The following ANGPTL2 variants were observed in gnomAD, a reference collection of about 807,000 sequenced individuals.
ANGPTL2 encodes the protein angiopoietin like 2, also known as angiopoietin-related protein 2.
ANGPTL2 carries 25 observed loss-of-function variants against 52.8 expected under a neutral mutation model. The observed-to-expected ratio is 0.47, with a 90% CI of 0.35 to 0.66. The LOEUF (loss-of-function observed/expected upper bound fraction) is 0.66, where lower values mean the gene tolerates loss of function less well. Among genes scored for constraint, ANGPTL2 ranks in the 30% least tolerant of loss-of-function variants. The probability of loss-of-function intolerance (pLI) is 0.01; values close to 1 mark genes in which losing one functional copy is unlikely to be tolerated. For missense variants in ANGPTL2, 546 were observed against 656.9 expected (o/e 0.83, Z 1.84); for synonymous variants, 276 against 277.4 (o/e 1.00, Z 0.05).
rs2054411199 is a variant in ANGPTL2 at position 127,108,123 on chromosome 9, G to A, written c.609C>T (p.His203=). The change falls in exon 2 of 5, where the codon CAC becomes CAT. Residue 203 remains histidine, a synonymous_variant. Transcript: ENST00000373425. ...QSEIIAQLEE[H]CQRVPSARPV... is the part of the protein sequence containing the mutation. ...GCCTGGCCGAGGGCACCCTCTGGCAGTGCTCCTCAAGCTGCGCGATGATCT... is the reference window on the plus strand; with the variant it reads ...GCCTGGCCGAGGGCACCCTCTGGCAATGCTCCTCAAGCTGCGCGATGATCT... 1 of 1,613,794 alleles carries A rather than the reference G, an allele frequency of 6.2e-7. No individual in the cohort carries two copies. Among genetic ancestry groups the A allele is most frequent in the South Asian group, 1.1e-5 (1 of 91,062 alleles).
intron 1 of ANGPTL2, among the ~76,000 whole-genome samples, chr9:127,114,988 C>T (rs1288269881): frequency 6.6e-6 from 1 of 152,092 alleles, no homozygotes; most frequent in Non-Finnish European, 1.5e-5. Context: ...GTTGGTAATC[C>T]AAGATGTGGG....
chr9:127,117,933 G>A (rs1175165330), intron 1 of ANGPTL2, among the ~76,000 whole-genome samples: 1 of 152,220 alleles, frequency 6.6e-6, no homozygotes, highest in East Asian at 1.9e-4. Flanking sequence ...TGCCTGTCTG[G>A]ACAACTAGGC....
At chr9:127,096,174 A>AG (rs2053112602) in intron 2 of ANGPTL2, among the ~76,000 whole-genome samples, 1 of 152,116 alleles carries the variant, frequency 6.6e-6, no homozygotes, top group African/African-American at 2.4e-5. Context: ...TATCCTTCCC[A>AG]GGGAAGGGGA....
chr9:127,117,477 G>A (rs956959200), intron 1 of ANGPTL2, among the ~76,000 whole-genome samples: 1 of 152,254 alleles, frequency 6.6e-6, no homozygotes, highest in African/African-American at 2.4e-5. Flanking sequence ...CAGGAACAAG[G>A]TGGGTGAGGT....
At chr9:127,093,575 A>T (rs188609944) in intron 3 of ANGPTL2, among the ~76,000 whole-genome samples, 158 bp downstream of exon 3, 1 of 152,250 alleles carries the variant, frequency 6.6e-6, no homozygotes, top group Non-Finnish European at 1.5e-5. Context: ...CCCTGTCTGC[A>T]TCCTTCTCGC....
At chr9:127,103,689 A>G (rs2053949511) in intron 2 of ANGPTL2, among the ~76,000 whole-genome samples, 1 of 152,218 alleles carries the variant, frequency 6.6e-6, no homozygotes, top group African/African-American at 2.4e-5. Context: ...GTTTTGTGTC[A>G]TTGGAACCAT....
At chr9:127,112,081 C>A (rs549038841) in intron 1 of ANGPTL2, among the ~76,000 whole-genome samples, 1 of 152,290 alleles carries the variant, frequency 6.6e-6, no homozygotes, top group African/African-American at 2.4e-5. Flanking sequence ...ACCCTGTGCT[C>A]CCTGGGGCCT....
chr9:127,107,867 G>A (rs780400275), intron 2 of ANGPTL2, 48 bp downstream of exon 2: 15 of 1,499,388 alleles, frequency 1.0e-5, no homozygotes, highest in African/African-American at 2.8e-5. Flanking sequence ...GGGAAGCCTG[G>A]TGCCTGGCTC....
chr9:127,088,181 T>A lies in ANGPTL2; in HGVS notation c.*758A>T, dbSNP rs2051999420. ...CACACAGAAGGCACTTAATGAATGGTGTCAAATGAAGGGATAAGTGGGTGA... is the reference window on the plus strand; with the variant it reads ...CACACAGAAGGCACTTAATGAATGGAGTCAAATGAAGGGATAAGTGGGTGA... On this transcript the variant is annotated 3_prime_UTR_variant, in exon 5 of 5. Coordinates refer to ENST00000373425, the MANE Select transcript of ANGPTL2 (RefSeq NM_012098.3). 1 of 152,190 alleles carries A rather than the reference T, an allele frequency of 6.6e-6. No homozygotes were observed. The highest frequency in any genetic ancestry group is 2.4e-5 in the African/African-American group (1 of 41,410). 9.4% of individuals were successfully genotyped at this position (152,190 alleles called of 1,614,324 possible). A position where few individuals can be genotyped will look rare whatever the true frequency, so the allele number is the denominator to read the frequency against.
At chr9:127,101,034 G>A (rs1391482413) in intron 2 of ANGPTL2, among the ~76,000 whole-genome samples, 1 of 152,106 alleles carries the variant, frequency 6.6e-6, no homozygotes, top group Non-Finnish European at 1.5e-5. Flanking sequence ...GACTATCACT[G>A]GTGGTGGTTC....
intron 4 of ANGPTL2, among the ~76,000 whole-genome samples, chr9:127,089,510 TTGTGTTC>T (rs1033867649): frequency 4.6e-5 from 7 of 152,124 alleles, no homozygotes; most frequent in Non-Finnish European, 1.0e-4. Flanking sequence ...ACTCCACACC[TTGTGTTC>T]TGATAGGAAA....
Position 127,091,103 on chromosome 9 carries a change from A to G in ANGPTL2, c.1282+567T>C, listed in dbSNP as rs1170843306. 1.3e-5 allele frequency among the ~76,000 whole-genome samples: 2 copies of G among 152,246 alleles called. No individual in the cohort carries two copies. The highest frequency in any genetic ancestry group is 1.3e-4 in the Admixed American group (2 of 15,292). Reference sequence around the variant, plus strand: ...GTGACCATGAAGAAAGCCAGTTTGTATGGAGCCCTCGCTATGTGCCAAATC... The same window carrying G: ...GTGACCATGAAGAAAGCCAGTTTGTGTGGAGCCCTCGCTATGTGCCAAATC... On this transcript the variant is annotated intron_variant, in intron 4 of 4. Transcript: ENST00000373425. This position sits in a 1 kb window ranked among gnomAD's most constrained non-coding sequence, Gnocchi z 4.3.
intron 1 of ANGPTL2, among the ~76,000 whole-genome samples, chr9:127,121,103 C>T (rs558996854): frequency 1.6e-4 from 25 of 152,290 alleles, no homozygotes; most frequent in Admixed American, 1.4e-3. Context: ...ACCTCAGTTT[C>T]CTCACCTATA....
chr9:127,108,382 A>C lies in ANGPTL2; in HGVS notation c.350T>G (p.Val117Gly). The change falls in exon 2 of 5, where the codon GTG becomes GGG. Residue 117 changes from valine to glycine, a missense_variant. Coordinates refer to ENST00000373425, the MANE Select transcript of ANGPTL2 (RefSeq NM_012098.3). ...CTTGCGCAGCAGCTTCACCTCGCTC[A>C]CAATGCCGCCGTCCACCTCCACCAG... ...QQLVEVDGGI[V>G]SEVKLLRKES... The C allele has an allele frequency of 6.2e-7, 1 of 1,609,678 alleles. No homozygotes were observed. The highest frequency in any genetic ancestry group is 8.5e-7 in the Non-Finnish European group (1 of 1,178,100).
chr9:127,117,738 T>C (rs1007133657), intron 1 of ANGPTL2, among the ~76,000 whole-genome samples: 2 of 152,252 alleles, frequency 1.3e-5, no homozygotes, highest in African/African-American at 2.4e-5. Flanking sequence ...CTTTTCTACC[T>C]GGCCCTGAGT....
intron 2 of ANGPTL2, chr9:127,107,201 C>G (rs180860552): frequency 6.6e-6 from 1 of 152,352 alleles, no homozygotes; most frequent in East Asian, 1.9e-4. Flanking sequence ...AGTTATTCAT[C>G]CTGTCCGCAA....
chr9:127,120,933 G>T (rs1166915081), intron 1 of ANGPTL2, among the ~76,000 whole-genome samples: 1 of 152,090 alleles, frequency 6.6e-6, no homozygotes, highest in African/African-American at 2.4e-5. Flanking sequence ...CTCAGGGTTT[G>T]CTGTGCACCA....
intron 2 of ANGPTL2, among the ~76,000 whole-genome samples, chr9:127,104,811 G>A (rs901582152): frequency 2.6e-5 from 4 of 152,216 alleles, no homozygotes; most frequent in Admixed American, 6.5e-5. Context: ...GCCAAGGCTC[G>A]GATGCAAAGG....
chr9:127,103,309 A>G (rs904426879), intron 2 of ANGPTL2, among the ~76,000 whole-genome samples: 9 of 152,236 alleles, frequency 5.9e-5, no homozygotes, highest in Admixed American at 2.0e-4. Flanking sequence ...CCATAGCCCA[A>G]TAGCCCATCT....
Sources: gnomAD v4.1 joint callset for allele counts (sites outside exome capture counted in the v4.1 genomes callset) on GRCh38, gnomAD v4.1.1 for gene constraint, Gnocchi (gnomAD v3.1) non-coding constraint, MANE v1.5 for transcripts, NCBI Gene and HGNC (gene_info 2026-07-23, HGNC 2026-07-21) for gene names.